Variants in CFAP263 observed in about 807,000 individuals in gnomAD.
CFAP263 encodes cilia- and flagella-associated protein 263.
the CFAP263 span, chr16:58,278,369 A>T: frequency 6.4e-6 from 6 of 944,788 alleles, no homozygotes; most frequent in South Asian, 1.1e-4. Flanking sequence ...TGAAAATGTA[A>T]ACATTATTTT....
chr16:58,267,353 T>C, the CFAP263 span: 1 of 692,576 alleles, frequency 1.4e-6, no homozygotes, highest in Non-Finnish European at 2.5e-6. Flanking sequence ...TGGGCAACCA[T>C]GAGAAAGGCA....
chr16:58,273,900 A>G, the CFAP263 span, among the ~76,000 whole-genome samples: 3 of 152,092 alleles, frequency 2.0e-5, no homozygotes, highest in South Asian at 6.3e-4. Context: ...TGCTGTTAGT[A>G]CTCTCTAATG....
At chr16:58,281,456 A>G in the CFAP263 span, 1 of 152,460 alleles carries the variant, frequency 6.6e-6, no homozygotes, top group African/African-American at 2.4e-5. Context: ...TGATGTCGCT[A>G]TAAAGGCCAG....
At chr16:58,259,153 A>C in the CFAP263 span, among the ~76,000 whole-genome samples, 22 of 152,248 alleles carry the variant, frequency 1.4e-4, no homozygotes, top group Admixed American at 1.0e-3. Context: ...GAAAGGTATG[A>C]GACTGGTCTG....
chr16:58,280,834 G>A, the CFAP263 span: 20 of 1,352,478 alleles, frequency 1.5e-5, no homozygotes, highest in Non-Finnish European at 2.0e-5. Context: ...GCAATATACT[G>A]TTTGTTCTAG....
the CFAP263 span, among the ~76,000 whole-genome samples, chr16:58,266,349 T>A: frequency 5.5e-4 from 78 of 141,202 alleles, no homozygotes; most frequent in African/African-American, 1.8e-3. Flanking sequence ...GACATACTGA[T>A]TCAATCTTTC....
chr16:58,254,071 T>G, the CFAP263 span: 1 of 1,614,084 alleles, frequency 6.2e-7, no homozygotes, highest in Non-Finnish European at 8.5e-7. Context: ...GACCAAAAAC[T>G]TGAGCTGGTA....
At chr16:58,263,297 A>T in the CFAP263 span, among the ~76,000 whole-genome samples, 2 of 152,214 alleles carry the variant, frequency 1.3e-5, no homozygotes, top group Non-Finnish European at 2.9e-5. Context: ...AAACCAAATG[A>T]AGCAAAATTG....
At chr16:58,254,215 C>A in the CFAP263 span, 1 of 1,563,972 alleles carries the variant, frequency 6.4e-7, no homozygotes, top group Non-Finnish European at 8.8e-7. Context: ...CTCTACCCCA[C>A]TGAGAGGTAT....
the CFAP263 span, among the ~76,000 whole-genome samples, chr16:58,269,197 G>C: frequency 6.6e-6 from 1 of 152,100 alleles, no homozygotes; most frequent in African/African-American, 2.4e-5. Flanking sequence ...CAGGCATGGT[G>C]GTGGGCACCT....
At chr16:58,258,562 T>A in the CFAP263 span, 1 of 1,587,566 alleles carries the variant, frequency 6.3e-7, no homozygotes, top group South Asian at 1.1e-5. Context: ...GAAAAAACAT[T>A]CTTACAGGGA....
At chr16:58,257,313 A>G in the CFAP263 span, among the ~76,000 whole-genome samples, 124,701 of 138,390 alleles carry the variant, frequency 0.9, 56,633 homozygotes, top group East Asian at 1. Context: ...CACCGCGCCC[A>G]GCCTGCATAT....
the CFAP263 span, chr16:58,282,809 G>A: frequency 6.6e-6 from 1 of 152,268 alleles, no homozygotes; most frequent in African/African-American, 2.4e-5. Context: ...TGTCTTAACT[G>A]TAGTGGTATA....
At chr16:58,274,119 T>A in the CFAP263 span, among the ~76,000 whole-genome samples, 1 of 152,240 alleles carries the variant, frequency 6.6e-6, no homozygotes. Flanking sequence ...GAGACATTAA[T>A]TGTTTTACAT....
chr16:58,274,452 G>A, the CFAP263 span, among the ~76,000 whole-genome samples: 6 of 152,260 alleles, frequency 3.9e-5, no homozygotes, highest in South Asian at 6.2e-4. Flanking sequence ...GTGTCCCCAC[G>A]CAAGTCTCAT....
the CFAP263 span, chr16:58,258,658 C>A: frequency 1.3e-6 from 1 of 747,518 alleles, no homozygotes; most frequent in Non-Finnish European, 2.2e-6. Flanking sequence ...TTCTTTGCAT[C>A]CCTGAAAGTG....
the CFAP263 span, among the ~76,000 whole-genome samples, chr16:58,263,529 A>C: frequency 9.9e-5 from 15 of 152,204 alleles, no homozygotes; most frequent in African/African-American, 3.6e-4. Flanking sequence ...CCCCTCGCAT[A>C]GTGCTCAGGT....
At chr16:58,269,006 T>G in the CFAP263 span, among the ~76,000 whole-genome samples, 1 of 152,118 alleles carries the variant, frequency 6.6e-6, no homozygotes, top group Non-Finnish European at 1.5e-5. Flanking sequence ...AACATTTTCA[T>G]CACCCCAGGA....
the CFAP263 span, chr16:58,281,847 C>G: frequency 7.1e-6 from 1 of 140,756 alleles, no homozygotes; most frequent in Non-Finnish European, 1.6e-5. Flanking sequence ...CTTGGTCACT[C>G]TCTCTGTCTC....
Sources: gnomAD v4.1 joint callset for allele counts (sites outside exome capture counted in the v4.1 genomes callset) on GRCh38, gnomAD v4.1.1 for gene constraint, MANE v1.5 for transcripts, NCBI Gene and HGNC (gene_info 2026-07-23, HGNC 2026-07-21) for gene names.